WWOX: variants seen among roughly 807,000 people sequenced by gnomAD.
WWOX encodes the protein WW domain containing oxidoreductase, also known as WW domain-containing oxidoreductase.
WWOX carries 69 observed loss-of-function variants against 46.2 expected under a neutral mutation model. The ratio of observed to expected loss-of-function variants is 1.49; its 90% confidence interval spans 1.23 to 1.82. WWOX has a LOEUF of 1.82. Among genes scored for constraint, WWOX ranks in the 40% most tolerant of loss-of-function variants. The pLI is 0.00. For synonymous variants in WWOX, 359 were observed against 202.6 expected (o/e 1.77, Z -6.56); for missense variants, 919 against 542.6 (o/e 1.69, Z -6.89).
chr16:79,146,379 G>C (rs1597417678), intron 8 of WWOX, among the ~76,000 whole-genome samples: 1 of 152,092 alleles, frequency 6.6e-6, no homozygotes, highest in African/African-American at 2.4e-5. Flanking sequence ...TTCTATTTTA[G>C]AGACTTTTCC....
chr16:78,917,920 G>C (rs2045289687), intron 8 of WWOX, among the ~76,000 whole-genome samples: 1 of 152,164 alleles, frequency 6.6e-6, no homozygotes, highest in African/African-American at 2.4e-5. Context: ...TTGTCATATA[G>C]GCTGGGCGTG....
intron 2 of WWOX, 113 bp downstream of exon 2, chr16:78,108,600 G>C: frequency 1.7e-6 from 2 of 1,159,326 alleles, no homozygotes; most frequent in South Asian, 1.3e-5. Context: ...CTCTGGTAGA[G>C]AACCAGACTC....
intron 8 of WWOX, among the ~76,000 whole-genome samples, chr16:79,059,696 A>G (rs572265916): frequency 5.3e-5 from 8 of 152,178 alleles, no homozygotes; most frequent in South Asian, 2.1e-4. Flanking sequence ...GGGTTTCACT[A>G]TGTTGGCCAG....
At chr16:78,115,948 C>G (rs2032762815) in intron 4 of WWOX, among the ~76,000 whole-genome samples, 2 of 152,178 alleles carry the variant, frequency 1.3e-5, no homozygotes, top group African/African-American at 2.4e-5. Flanking sequence ...GCAGCCCTCA[C>G]ACGGCCCCCT....
chr16:78,660,753 G>C (rs1567471461), intron 8 of WWOX, among the ~76,000 whole-genome samples: 1 of 152,076 alleles, frequency 6.6e-6, no homozygotes, highest in South Asian at 2.1e-4. Flanking sequence ...GTTTGTTATG[G>C]ATTCTTCCAG....
intron 5 of WWOX, among the ~76,000 whole-genome samples, chr16:78,324,074 G>T (rs1020451498): frequency 6.6e-6 from 1 of 152,060 alleles, no homozygotes; most frequent in Admixed American, 6.6e-5. Context: ...TAAGTGACTT[G>T]TTCAAGGCTA....
chr16:78,791,556 G>T (rs115479080), intron 8 of WWOX, among the ~76,000 whole-genome samples: 1 of 151,964 alleles, frequency 6.6e-6, no homozygotes, highest in Non-Finnish European at 1.5e-5. Context: ...TCATACCTTC[G>T]CAGGCCATCT....
rs575962080 is a variant in WWOX, at chr16:78,353,855, C to T, written c.517-33005C>T. ...TGGGTGGCGTTCGCTTTACCCTTGC[C>T]CTTGATGTGGTGCCGAGTTGTCAGG... On this transcript the variant is annotated intron_variant, in intron 5 of 8. Transcript: ENST00000566780. 2.0e-5 allele frequency among the ~76,000 whole-genome samples: 3 copies of T among 152,330 alleles called. No individual in the cohort carries two copies. The South Asian group carries it at 6.2e-4, about 32-fold the overall frequency.
intron 5 of WWOX, among the ~76,000 whole-genome samples, chr16:78,209,341 C>T (rs946941134): frequency 3.3e-4 from 50 of 152,164 alleles, no homozygotes; most frequent in African/African-American, 9.9e-4. Context: ...TTATCCACTT[C>T]GGGAGAGAGA....
At chr16:78,987,461 C>G (rs1195965582) in intron 8 of WWOX, among the ~76,000 whole-genome samples, 3 of 152,174 alleles carry the variant, frequency 2.0e-5, no homozygotes, top group East Asian at 3.8e-4. Context: ...TTTCTAGCAA[C>G]TCTCGAGAGG....
At chr16:78,894,061 C>T (rs903860459) in intron 8 of WWOX, among the ~76,000 whole-genome samples, 1 of 30,160 alleles carries the variant, frequency 3.3e-5, no homozygotes, top group African/African-American at 6.3e-5. Flanking sequence ...TATTTTGAGA[C>T]AGGGTCTTGC....
rs2080937266 is a variant in WWOX at position 78,338,220 on chromosome 16, A to T, written c.517-48640A>T. On this transcript the variant is annotated intron_variant, in intron 5 of 8. Coordinates refer to ENST00000566780, the MANE Select transcript of WWOX (RefSeq NM_016373.4). Reference sequence around the variant, plus strand: ...GTGAATTAAATAAAGCAGCATGCAAATTTACTATCGTATTCAGCAACCAAA... The same window carrying T: ...GTGAATTAAATAAAGCAGCATGCAATTTTACTATCGTATTCAGCAACCAAA... Among the ~76,000 whole-genome samples the T allele has an allele frequency of 5.0e-5, 6 of 120,722 alleles. 2 individuals carry two copies. In the South Asian group the frequency reaches 1.5e-3, roughly 30 times the overall value. 79.2% of individuals were successfully genotyped at this position (120,722 alleles called of 152,430 possible).
chr16:78,279,321 A>G (rs2079636130), intron 5 of WWOX, among the ~76,000 whole-genome samples: 1 of 152,132 alleles, frequency 6.6e-6, no homozygotes, highest in African/African-American at 2.4e-5. Context: ...AAATTAAATG[A>G]GTTTCATTCT....
In WWOX at chr16:78,115,631, G is replaced by C. The variant is rs2032741722; in HGVS notation, c.409+477G>C. ...GATCTTATTTCTCTATAAAATTGGAGAATGAGTTCCTGTCTTCACCTCTTA... is the reference window on the plus strand; with the variant it reads ...GATCTTATTTCTCTATAAAATTGGACAATGAGTTCCTGTCTTCACCTCTTA... On this transcript the variant is annotated intron_variant, in intron 4 of 8. Coordinates refer to ENST00000566780, the MANE Select transcript of WWOX (RefSeq NM_016373.4). 2.0e-5 allele frequency among the ~76,000 whole-genome samples: 3 copies of C among 152,162 alleles called. No individual in the cohort carries two copies. The South Asian group carries it at 6.2e-4, about 32-fold the overall frequency.
At chr16:78,942,047 C>T (rs2045862216) in intron 8 of WWOX, among the ~76,000 whole-genome samples, 1 of 152,134 alleles carries the variant, frequency 6.6e-6, no homozygotes, top group Non-Finnish European at 1.5e-5. Context: ...CTCGCCTGGT[C>T]TAGCCGCTGA....
At chr16:78,571,915 A>C (rs903034040) in intron 8 of WWOX, among the ~76,000 whole-genome samples, 9 of 152,166 alleles carry the variant, frequency 5.9e-5, no homozygotes, top group African/African-American at 1.4e-4. Context: ...TTTCACACTC[A>C]CCAGATTGGC....
intron 5 of WWOX, among the ~76,000 whole-genome samples, chr16:78,357,055 T>A (rs2081310399): frequency 6.6e-6 from 1 of 152,116 alleles, no homozygotes; most frequent in Non-Finnish European, 1.5e-5. Flanking sequence ...CAGGGATGGA[T>A]TTCTAGAAGG....
chr16:78,664,031 A>T (rs555942620), intron 8 of WWOX, among the ~76,000 whole-genome samples: 1 of 152,180 alleles, frequency 6.6e-6, no homozygotes. Context: ...CAAACAGGTG[A>T]CATAATTTGA....
intron 8 of WWOX, among the ~76,000 whole-genome samples, chr16:78,848,630 C>T (rs551608705): frequency 2.6e-5 from 4 of 151,980 alleles, no homozygotes; most frequent in African/African-American, 9.7e-5. Context: ...ATCTAAGTGG[C>T]CAAATTTAGC....
Sources: gnomAD v4.1 joint callset for allele counts (sites outside exome capture counted in the v4.1 genomes callset) on GRCh38, gnomAD v4.1.1 for gene constraint, MANE v1.5 for transcripts, NCBI Gene and HGNC (gene_info 2026-07-23, HGNC 2026-07-21) for gene names.